The following LRIF1 variants were observed in gnomAD, a reference collection of about 807,000 sequenced individuals.
The protein encoded by LRIF1 is ligand-dependent nuclear receptor-interacting factor 1.
In LRIF1, 32 loss-of-function variants were observed where a neutral mutation model predicts 52.7. The ratio of observed to expected loss-of-function variants is 0.61; its 90% CI spans 0.46 to 0.82. The LOEUF is 0.82. LRIF1 is among the 40% of genes least tolerant of loss of function. The pLI is 0.00. For missense variants in LRIF1, 887 were observed against 892.0 expected (o/e 0.99, Z 0.07); for synonymous variants, 323 against 317.4 (o/e 1.02, Z -0.19).
chr1:110,949,760 A>G (rs2101105908), intron 3 of LRIF1, 91 bp downstream of exon 3: 1 of 1,308,538 alleles, frequency 7.6e-7, no homozygotes, highest in East Asian at 2.3e-5. Context: ...CATTTATACT[A>G]ATGCACAAGG....
At chr1:110,917,249 T>TA in the LRIF1 span, among the ~76,000 whole-genome samples, 1 of 152,214 alleles carries the variant, frequency 6.6e-6, no homozygotes, top group Non-Finnish European at 1.5e-5. Flanking sequence ...GATTCCAACT[T>TA]ACATTAGTTG....
the LRIF1 span, among the ~76,000 whole-genome samples, chr1:110,932,340 A>T: frequency 2.0e-5 from 3 of 152,240 alleles, no homozygotes; most frequent in East Asian, 1.9e-4. Flanking sequence ...CCATTGGTCT[A>T]TATATCTGTT....
chr1:110,960,467 T>C (rs1316697391), intron 1 of LRIF1, among the ~76,000 whole-genome samples: 1 of 152,180 alleles, frequency 6.6e-6, no homozygotes, highest in South Asian at 2.1e-4. Context: ...AGCTCCCCAT[T>C]TGAATACAAA....
At chr1:110,890,330 G>T in the LRIF1 span, among the ~76,000 whole-genome samples, 2 of 152,202 alleles carry the variant, frequency 1.3e-5, no homozygotes, top group African/African-American at 4.8e-5. Context: ...ACTTTGGGAG[G>T]CCGAGGCAGG....
At chr1:110,877,033 T>C in the LRIF1 span, among the ~76,000 whole-genome samples, 2 of 152,186 alleles carry the variant, frequency 1.3e-5, no homozygotes, top group Non-Finnish European at 2.9e-5. Context: ...ACTTATGCAA[T>C]ATAATTAACA....
At chr1:110,924,952 G>A in the LRIF1 span, among the ~76,000 whole-genome samples, 1 of 152,080 alleles carries the variant, frequency 6.6e-6, no homozygotes, top group Non-Finnish European at 1.5e-5. Flanking sequence ...CATCTCAACA[G>A]ATGTCCAGAA....
chr1:110,957,775 T>C (rs536859349), intron 1 of LRIF1, among the ~76,000 whole-genome samples: 59 of 143,208 alleles, frequency 4.1e-4, no homozygotes, highest in African/African-American at 1.3e-3. Flanking sequence ...TGATTTGTCT[T>C]TATCATCATT....
At chr1:110,959,372 G>T (rs1356483310) in intron 1 of LRIF1, among the ~76,000 whole-genome samples, 4 of 152,132 alleles carry the variant, frequency 2.6e-5, no homozygotes, top group African/African-American at 9.7e-5. Context: ...TGAAATAACT[G>T]CCTGGGAGCA....
At chr1:110,930,343 A>G in the LRIF1 span, among the ~76,000 whole-genome samples, 1 of 152,204 alleles carries the variant, frequency 6.6e-6, no homozygotes, top group Non-Finnish European at 1.5e-5. Context: ...ACAATGAAAC[A>G]CGGATTGGAT....
the LRIF1 span, among the ~76,000 whole-genome samples, chr1:110,932,930 A>G: frequency 2.6e-5 from 4 of 152,170 alleles, no homozygotes; most frequent in Non-Finnish European, 4.4e-5. Flanking sequence ...TGATTTTTAT[A>G]TTGGTATAGA....
At chr1:110,948,764 T>A (rs1658324703) in intron 3 of LRIF1, among the ~76,000 whole-genome samples, 1 of 152,198 alleles carries the variant, frequency 6.6e-6, no homozygotes, top group African/African-American at 2.4e-5. Flanking sequence ...TTCGAAAAGG[T>A]TTACTAGTCT....
the LRIF1 span, among the ~76,000 whole-genome samples, chr1:110,886,496 A>G: frequency 7.9e-5 from 12 of 152,078 alleles, no homozygotes; most frequent in Admixed American, 2.0e-4. Flanking sequence ...CTCCAGTGAC[A>G]TGTATATTAA....
Position 110,952,833 on chromosome 1 carries a change from T to G in LRIF1, c.69-18A>C. On this transcript the variant is annotated intron_variant, in intron 1 of 3. Coordinates refer to ENST00000369763, the MANE Select transcript of LRIF1 (RefSeq NM_018372.4). ...CTGAAACACTTAAAAGAACATTGAG[T>G]AAATAAATACAACATACTACATGGT... 1 of 1,499,918 alleles carries G rather than the reference T, an allele frequency of 6.7e-7. No homozygotes were observed. Among genetic ancestry groups the G allele is most frequent in the Non-Finnish European group, 9.0e-7 (1 of 1,107,490 alleles). The allele number at this position is 1,499,918 out of a possible 1,614,324, so 92.9% of individuals were successfully genotyped here.
chr1:110,921,840 T>C, the LRIF1 span, among the ~76,000 whole-genome samples: 1 of 152,140 alleles, frequency 6.6e-6, no homozygotes, highest in Non-Finnish European at 1.5e-5. Context: ...AAAGCTTTTA[T>C]TTTAGTTTCA....
the LRIF1 span, chr1:110,894,202 G>T: frequency 1.3e-6 from 1 of 755,410 alleles, no homozygotes. Flanking sequence ...GGCTTACAAC[G>T]GCCTGAGGAG....
At chr1:110,883,427 G>T in the LRIF1 span, among the ~76,000 whole-genome samples, 33,464 of 151,698 alleles carry the variant, frequency 0.22, 4,039 homozygotes, top group East Asian at 0.32. Context: ...TCTTATCATT[G>T]TTCTATATCG....
the LRIF1 span, among the ~76,000 whole-genome samples, chr1:110,933,335 C>G: frequency 6.6e-6 from 1 of 152,148 alleles, no homozygotes; most frequent in Non-Finnish European, 1.5e-5. Context: ...ACTAATTTAG[C>G]AACTATCTAC....
the LRIF1 span, among the ~76,000 whole-genome samples, chr1:110,901,477 CTTTTT>C: frequency 2.4e-4 from 28 of 115,884 alleles, no homozygotes; most frequent in African/African-American, 8.5e-4. Context: ...CGCACCCGGC[CTTTTT>C]TTTTTTTTTT....
At chr1:110,962,904 G>C (rs1659020873) in intron 1 of LRIF1, among the ~76,000 whole-genome samples, 1 of 150,696 alleles carries the variant, frequency 6.6e-6, no homozygotes, top group South Asian at 2.1e-4. Context: ...TCATTTCCTT[G>C]TAATACAATT....
Sources: allele counts gnomAD v4.1 joint callset (sites outside exome capture counted in the v4.1 genomes callset), GRCh38; gene constraint gnomAD v4.1.1; transcripts MANE v1.5; gene names NCBI Gene and HGNC (gene_info 2026-07-23, HGNC 2026-07-21).